CNGB1: variants seen among roughly 807,000 people sequenced by gnomAD.
CNGB1 encodes the protein cyclic nucleotide gated channel subunit beta 1.
A neutral mutation model predicts 151.7 loss-of-function variants in CNGB1; 126 were observed. That is an observed-to-expected ratio of 0.83 (90% confidence interval 0.72 to 0.96). The LOEUF (loss-of-function observed/expected upper bound fraction) is 0.96, where lower values mean the gene tolerates loss of function less well. Among genes scored for constraint, CNGB1 ranks in the 40% least tolerant of loss-of-function variants. CNGB1 has a pLI of 0.00. For missense variants in CNGB1, 1,698 were observed against 1,627.0 expected (o/e 1.04, Z -0.75); for synonymous variants, 623 against 635.1 (o/e 0.98, Z 0.29).
intron 29 of CNGB1, 23 bp downstream of exon 29, chr16:57,901,329 T>C (rs1424918548): frequency 6.2e-7 from 1 of 1,612,382 alleles, no homozygotes; most frequent in Admixed American, 1.7e-5. Flanking sequence ...CCAGATCCCG[T>C]GGTGGCTGCC....
intron 2 of CNGB1, among the ~76,000 whole-genome samples, chr16:57,965,530 C>T (rs1306902681): frequency 2.0e-5 from 3 of 152,092 alleles, no homozygotes; most frequent in Non-Finnish European, 4.4e-5. Flanking sequence ...TTTGCACATA[C>T]ACAGAAGCAT....
intron 22 of CNGB1, among the ~76,000 whole-genome samples, chr16:57,915,847 G>A (rs1213952413): frequency 2.7e-5 from 4 of 145,940 alleles, no homozygotes; most frequent in African/African-American, 7.7e-5. Context: ...GCAGTGAGCC[G>A]AGATCACACC....
At chr16:57,904,920 C>T (rs755613854) in intron 25 of CNGB1, 45 bp from the exon 26 acceptor site, 2 of 1,613,328 alleles carry the variant, frequency 1.2e-6, no homozygotes, top group African/African-American at 1.3e-5. Context: ...ACAGGCCCCA[C>T]TCTGCCGCCC....
In CNGB1 at chr16:57,884,281, C is replaced by G. The variant is rs886052191; in HGVS notation, c.3639G>C (p.Glu1213Asp). The G allele has an allele frequency of 2.5e-6, 4 of 1,613,454 alleles. No homozygotes were observed. Among genetic ancestry groups the G allele is most frequent in the African/African-American group, 1.3e-5 (1 of 74,900 alleles). ...AGTGCTCTTCGGGCTCGGCCGGCCC[C>G]TCCTCCTCTCCCTCCGGCCTCCCAA... is the stretch of plus-strand genomic sequence containing the variant. ...ASLGRPEGEE[E>D]GPAEPEEHSV... Residue 1213 changes from glutamate (E) to aspartate (D), a missense_variant, in exon 33 of 33, where the codon GAG becomes GAC. By Grantham distance (45) the Glu-to-Asp change is conservative. Coordinates refer to ENST00000251102, the MANE Select transcript of CNGB1 (RefSeq NM_001297.5).
intron 11 of CNGB1, among the ~76,000 whole-genome samples, chr16:57,957,980 TC>T (rs1339456388): frequency 6.6e-6 from 1 of 152,152 alleles, no homozygotes; most frequent in African/African-American, 2.4e-5. Context: ...GTGACAGAGC[TC>T]ATGAGCGCTC....
Position 57,913,054 on chromosome 16 carries a change from C to A in CNGB1, c.2305-60G>T, listed in dbSNP as rs1037768734. ...GGCCATAGGTAGCATGCTGCTCCCA[C>A]GCCCACGGGCGCCGAGACTCAGGGC... On this transcript the variant is annotated intron_variant, in intron 23 of 32. Transcript: ENST00000251102. The A allele has an allele frequency of 1.2e-5, 19 of 1,534,230 alleles. No homozygotes were observed. In the Admixed American group the frequency reaches 3.2e-4, roughly 26 times the overall value.
chr16:57,958,308 G>A (rs935580784), intron 11 of CNGB1, 102 bp downstream of exon 11: 16 of 625,698 alleles, frequency 2.6e-5, no homozygotes, highest in South Asian at 2.5e-4. Context: ...GGCTGGGGGA[G>A]CTGGGCTTCT....
Position 57,883,550 on chromosome 16 carries a change from G to A in CNGB1, c.*614C>T. ...ACCTCTCCAGTAGCTGGGACTACAGGTGCACACCATCACGCCTGGCTATTG... is the reference window on the plus strand; with the variant it reads ...ACCTCTCCAGTAGCTGGGACTACAGATGCACACCATCACGCCTGGCTATTG... On this transcript the variant is annotated 3_prime_UTR_variant, in exon 33 of 33. Transcript: ENST00000251102. 5.9e-6 allele frequency: 1 copy of A among 168,294 alleles called. No homozygotes were observed. Among genetic ancestry groups the A allele is most frequent in the Non-Finnish European group, 1.3e-5 (1 of 79,122 alleles). 10.4% of individuals were successfully genotyped at this position (168,294 alleles called of 1,614,324 possible). A position where few individuals can be genotyped will look rare whatever the true frequency, so the allele number is the denominator to read the frequency against.
chr16:57,912,895 T>G (rs1414715773), intron 24 of CNGB1, 35 bp downstream of exon 24: 1 of 1,582,168 alleles, frequency 6.3e-7, no homozygotes, highest in Non-Finnish European at 8.7e-7. Context: ...GTGTCATGTG[T>G]GTGTGCATGC....
intron 12 of CNGB1, among the ~76,000 whole-genome samples, chr16:57,953,996 C>A (rs1597008168): frequency 6.6e-6 from 1 of 152,196 alleles, no homozygotes; most frequent in South Asian, 2.1e-4. Flanking sequence ...TGGAAGTGTC[C>A]CTGCTTTGAT....
intron 25 of CNGB1, among the ~76,000 whole-genome samples, chr16:57,908,865 G>C (rs1160980444): frequency 6.6e-6 from 1 of 152,188 alleles, no homozygotes; most frequent in African/African-American, 2.4e-5. Context: ...GCTGTCTGCT[G>C]CCTGCCCTCA....
At chr16:57,925,222 C>T (rs1319074818) in intron 17 of CNGB1, among the ~76,000 whole-genome samples, 1 of 151,914 alleles carries the variant, frequency 6.6e-6, no homozygotes, top group African/African-American at 2.4e-5. Flanking sequence ...AGGCTAGTCT[C>T]AATCTCCCAA....
At chr16:57,951,089 C>T (rs1961937565) in intron 12 of CNGB1, among the ~76,000 whole-genome samples, 1 of 152,206 alleles carries the variant, frequency 6.6e-6, no homozygotes, top group Admixed American at 6.5e-5. Context: ...TCCAGGGAAA[C>T]TCATCTTTCT....
At chr16:57,905,953 C>T (rs1960538538) in intron 25 of CNGB1, among the ~76,000 whole-genome samples, 2 of 152,242 alleles carry the variant, frequency 1.3e-5, no homozygotes, top group African/African-American at 4.8e-5. Context: ...GGCATGAAGA[C>T]ACCAAGCTTG....
At chr16:57,966,204 GA>G (rs1212106019) in intron 2 of CNGB1, among the ~76,000 whole-genome samples, 6 of 152,174 alleles carry the variant, frequency 3.9e-5, no homozygotes, top group Admixed American at 1.3e-4. Context: ...GGCTCCCCAA[GA>G]AGGGGAGAGT....
intron 31 of CNGB1, among the ~76,000 whole-genome samples, chr16:57,893,417 C>T (rs551109070): frequency 9.2e-5 from 14 of 152,224 alleles, no homozygotes; most frequent in Admixed American, 5.9e-4. Context: ...GCATTGCGCC[C>T]GGCCTGAAGT....
At chr16:57,952,976 G>A (rs187370166) in intron 12 of CNGB1, among the ~76,000 whole-genome samples, 37 of 152,308 alleles carry the variant, frequency 2.4e-4, no homozygotes, top group South Asian at 6.2e-4. Flanking sequence ...CCCAGGAGGC[G>A]TGGTGCAGGA....
intron 11 of CNGB1, 110 bp downstream of exon 11, chr16:57,958,300 C>T (rs1962141970): frequency 1.0e-6 from 1 of 971,418 alleles, no homozygotes; most frequent in Non-Finnish European, 1.7e-6. Flanking sequence ...GACAGGAAGG[C>T]TGGGGGAGCT....
At chr16:57,970,950 G>C (rs1032039885) in intron 1 of CNGB1, 110 bp downstream of exon 1, 1 of 152,138 alleles carries the variant, frequency 6.6e-6, no homozygotes, top group African/African-American at 2.4e-5. Context: ...ATAGAGGGAA[G>C]CCACAGGTTT....
Sources: gnomAD v4.1 joint callset for allele counts (sites outside exome capture counted in the v4.1 genomes callset) on GRCh38, gnomAD v4.1.1 for gene constraint, MANE v1.5 for transcripts, NCBI Gene and HGNC (gene_info 2026-07-23, HGNC 2026-07-21) for gene names.